TNFRSF13B: variants seen among roughly 807,000 people sequenced by gnomAD.
The protein encoded by TNFRSF13B is TNF receptor superfamily member 13B, also known as tumor necrosis factor receptor superfamily member 13B.
A neutral mutation model predicts 24.0 loss-of-function variants in TNFRSF13B; 34 were observed. The observed-to-expected ratio is 1.41, with a 90% CI of 1.08 to 1.88. The LOEUF is 1.88. TNFRSF13B is among the 40% of genes most tolerant of loss of function. The probability of loss-of-function intolerance (pLI) is 0.00; values close to 1 mark genes in which losing one functional copy is unlikely to be tolerated. For missense variants in TNFRSF13B, 415 were observed against 380.8 expected (o/e 1.09, Z -0.75); for synonymous variants, 173 against 150.3 (o/e 1.15, Z -1.10).
chr17:16,944,202 C>T (rs989492554), intron 3 of TNFRSF13B, among the ~76,000 whole-genome samples: 1 of 152,166 alleles, frequency 6.6e-6, no homozygotes, highest in African/African-American at 2.4e-5. Context: ...CAGCCTCCAG[C>T]ACAGAGCCCC....
At chr17:16,946,271 T>C (rs1180148057) in intron 3 of TNFRSF13B, among the ~76,000 whole-genome samples, 1 of 152,112 alleles carries the variant, frequency 6.6e-6, no homozygotes, top group East Asian at 1.9e-4. Context: ...CACAGGAAAG[T>C]CACTGCAAAG....
At position 16,963,129 on chromosome 17, in the gene TNFRSF13B, G is replaced by A. The variant is rs139894283; in HGVS notation, c.61+8886C>T. Among the ~76,000 whole-genome samples, 809 of 152,328 alleles carry A rather than the reference G, an allele frequency of 5.3e-3. 8 individuals carry two copies. Among genetic ancestry groups the A allele is most frequent in the Non-Finnish European group, 9.4e-3 (642 of 68,036 alleles). On this transcript the variant is annotated intron_variant, in intron 1 of 4. Transcript: ENST00000261652. ...TCTTGGACACCCAGCGTCCTCCCCTGTAAGATGAGGATGCTGTTGCTTACT... is the reference window on the plus strand; with the variant it reads ...TCTTGGACACCCAGCGTCCTCCCCTATAAGATGAGGATGCTGTTGCTTACT...
chr17:16,966,806 T>C (rs1246963898), intron 1 of TNFRSF13B, among the ~76,000 whole-genome samples: 1 of 150,852 alleles, frequency 6.6e-6, no homozygotes, highest in Non-Finnish European at 1.5e-5. Context: ...GAGCACAACA[T>C]TTGGTTTTTT....
intron 3 of TNFRSF13B, chr17:16,941,533 C>T: frequency 5.1e-6 from 5 of 987,608 alleles, no homozygotes; most frequent in Non-Finnish European, 6.0e-6. Flanking sequence ...AAGAGCGAGT[C>T]CCACTTCGTG....
intron 2 of TNFRSF13B, among the ~76,000 whole-genome samples, chr17:16,951,434 T>G (rs1324541602): frequency 1.3e-5 from 2 of 152,224 alleles, no homozygotes; most frequent in African/African-American, 4.8e-5. Flanking sequence ...AAGCAACGAA[T>G]AATTTTCAAG....
At position 16,948,884 on chromosome 17, in the gene TNFRSF13B, C is replaced by T. The variant is rs75885572; in HGVS notation, c.299G>A (p.Cys100Tyr). Residue 100 changes from cysteine (C) to tyrosine (Y), a missense_variant, in exon 3 of 5, where the codon TGT becomes TAT. Transcript: ENST00000261652. Reference protein sequence around the residue: ...ASICGQHPKQCAYFCENKLRS... With the variant: ...ASICGQHPKQYAYFCENKLRS... The stretch of plus-strand genomic sequence containing the variant: ...GAGCTTGTTCTCACAGAAGTATGCA[C>T]ATTGCTTAGGGTGCTGTCCACAGAT... 15 of 1,614,226 alleles carry T rather than the reference C, an allele frequency of 9.3e-6. No individual in the cohort carries two copies. In the East Asian group the frequency reaches 3.1e-4, roughly 34 times the overall value.
chr17:16,966,857 G>A (rs1260187255), intron 1 of TNFRSF13B, among the ~76,000 whole-genome samples: 1 of 56,466 alleles, frequency 1.8e-5, no homozygotes, highest in Non-Finnish European at 3.5e-5. Context: ...TTTTTTTTTT[G>A]AGATGGAGTC....
At chr17:16,943,378 C>A (rs528681762) in intron 3 of TNFRSF13B, among the ~76,000 whole-genome samples, 1 of 152,168 alleles carries the variant, frequency 6.6e-6, no homozygotes, top group Non-Finnish European at 1.5e-5. Flanking sequence ...GAAGGGGTCA[C>A]GGGCACCCCC....
intron 3 of TNFRSF13B, chr17:16,940,717 C>A (rs1337920975): frequency 1.4e-6 from 2 of 1,448,528 alleles, no homozygotes; most frequent in Non-Finnish European, 1.8e-6. Context: ...CAGCAACTTT[C>A]TAAGGCCTCA....
intron 4 of TNFRSF13B, 143 bp from the exon 5 acceptor site, chr17:16,939,940 TCCG>T: frequency 8.2e-7 from 1 of 1,220,550 alleles, no homozygotes; most frequent in Non-Finnish European, 1.1e-6. Context: ...GGTGTCAGTG[TCCG>T]CCAGTTGCTG....
rs1016142312 is a variant in TNFRSF13B at position 16,972,014 on chromosome 17, C to A, written c.61+1G>T. ...TCCTGCCCTCCTGCCCGGCTACTCA[C>A]AGCGCTCCTCCTGGTCCACACGGCT... On this transcript the variant is annotated splice_donor_variant, in intron 1 of 4. Coordinates refer to ENST00000261652, the MANE Select transcript of TNFRSF13B (RefSeq NM_012452.3). LOFTEE classifies it high-confidence loss of function. 6.2e-7 allele frequency: 1 copy of A among 1,614,182 alleles called. No homozygotes were observed. The highest frequency in any genetic ancestry group is 1.1e-5 in the South Asian group (1 of 91,086).
intron 1 of TNFRSF13B, among the ~76,000 whole-genome samples, chr17:16,956,858 A>T (rs2087628364): frequency 6.6e-6 from 1 of 152,208 alleles, no homozygotes; most frequent in African/African-American, 2.4e-5. Flanking sequence ...GGGTTGGAGG[A>T]TGGGAGGGAT....
At chr17:16,942,317 C>T (rs2143645675) in intron 3 of TNFRSF13B, among the ~76,000 whole-genome samples, 1 of 152,322 alleles carries the variant, frequency 6.6e-6, no homozygotes, top group East Asian at 1.9e-4. Context: ...CCGCGGGCCA[C>T]ACAGCGGCCC....
chr17:16,949,117 T>C (rs897119222), intron 2 of TNFRSF13B, 134 bp from the exon 3 acceptor site: 56 of 1,178,630 alleles, frequency 4.8e-5, no homozygotes, highest in Non-Finnish European at 6.2e-5. Context: ...GTAAGCCAAG[T>C]ACTTTTACAA....
chr17:16,942,226 T>G (rs971995030), intron 3 of TNFRSF13B, among the ~76,000 whole-genome samples: 4 of 152,200 alleles, frequency 2.6e-5, no homozygotes, highest in African/African-American at 7.2e-5. Flanking sequence ...ATGACAAAAC[T>G]GAGTGTCTAA....
chr17:16,948,827 CT>C lies in TNFRSF13B; in HGVS notation c.355del (p.Arg119GlyfsTer35), dbSNP rs1179744489. On this transcript the variant is annotated frameshift_variant, in exon 3 of 5. Transcript: ENST00000261652. LOFTEE classifies it high-confidence loss of function. ...RSPVNLPPEL[R>X]RQRSGEVENN... The stretch of plus-strand genomic sequence containing the variant: ...TTCAACTTCTCCACTCCGCTGTCTC[CT>C]GAGCTCTGGTGGAAGGTTCACTGGG... 1 of 1,614,222 alleles carries C rather than the reference CT, an allele frequency of 6.2e-7. No homozygotes were observed. Among genetic ancestry groups the C allele is most frequent in the East Asian group, 2.2e-5 (1 of 44,890 alleles).
rs1347209843 is a variant in TNFRSF13B at position 16,940,584 on chromosome 17, T to TC, written c.446-74dup. The TC allele has an allele frequency of 4.5e-6, 7 of 1,552,810 alleles. No individual in the cohort carries two copies. The East Asian group carries it at 1.7e-4, about 37-fold the overall frequency. On this transcript the variant is annotated intron_variant, in intron 3 of 4. Transcript: ENST00000261652. ...CGTCATTAGGCTCAAGCAATCCACATCCCCCCATCCCCCTGCTGTGAGCCT... is the reference window on the plus strand; with the variant it reads ...CGTCATTAGGCTCAAGCAATCCACATCCCCCCCATCCCCCTGCTGTGAGCCT...
rs745751910 is a variant in TNFRSF13B, at chr17:16,939,565, C to A, written c.864G>T (p.Glu288Asp). Residue 288 changes from glutamate (E) to aspartate (D), a missense_variant, in exon 5 of 5, where the codon GAG (glutamate) becomes GAT (aspartate). Coordinates refer to ENST00000261652, the MANE Select transcript of TNFRSF13B (RefSeq NM_012452.3). ...GLGIVCVPAQEGGPGA is the reference protein window; with the variant it reads ...GLGIVCVPAQDGGPGA ...CCCCCATTTATGCACCTGGGCCCCC[C>A]TCCTGGGCAGGCACACACACAATGC... 1.2e-6 allele frequency: 2 copies of A among 1,613,518 alleles called. No homozygotes were observed. Among genetic ancestry groups the A allele is most frequent in the Non-Finnish European group, 8.5e-7 (1 of 1,179,744 alleles).
chr17:16,967,352 G>A (rs954803550), intron 1 of TNFRSF13B, among the ~76,000 whole-genome samples: 1 of 152,058 alleles, frequency 6.6e-6, no homozygotes, highest in African/African-American at 2.4e-5. Context: ...GGTATATAAC[G>A]GCATGGCTCA....
Sources: gnomAD v4.1 joint callset for allele counts (sites outside exome capture counted in the v4.1 genomes callset) on GRCh38, gnomAD v4.1.1 for gene constraint, MANE v1.5 for transcripts, NCBI Gene and HGNC (gene_info 2026-07-23, HGNC 2026-07-21) for gene names.